EDA: variants seen among roughly 807,000 people sequenced by gnomAD.
EDA encodes ectodysplasin A, also known as ectodysplasin-A.
EDA carries 2 observed loss-of-function variants against 23.6 expected under a neutral mutation model. That is an observed-to-expected ratio of 0.08 (90% confidence interval 0.03 to 0.27). EDA has a LOEUF of 0.27. EDA is among the 10% of genes least tolerant of loss of function. The pLI, the probability that EDA is intolerant of heterozygous loss-of-function variation, is 1.00. For missense variants in EDA, 229 were observed against 324.2 expected (o/e 0.71, Z 2.26); for synonymous variants, 131 against 132.0 (o/e 0.99, Z 0.05).
intron 1 of EDA, among the ~76,000 whole-genome samples, chrX:69,633,593 T>C (rs1932686290): frequency 1.8e-5 from 2 of 112,478 alleles, no homozygotes. Flanking sequence ...ACATGTCATA[T>C]AAATGGAATC....
intron 1 of EDA, among the ~76,000 whole-genome samples, chrX:69,845,891 T>C (rs1183903730): frequency 8.9e-6 from 1 of 111,769 alleles, no homozygotes; most frequent in African/African-American, 3.3e-5. Flanking sequence ...GAGTGAACCA[T>C]CTTAGAAGAG....
chrX:69,654,443 C>G (rs1436127795), intron 1 of EDA, among the ~76,000 whole-genome samples: 164 of 111,379 alleles, frequency 1.5e-3, no homozygotes, highest in African/African-American at 5.2e-3. Flanking sequence ...CATCCCATTA[C>G]TGGGTATATA....
At chrX:69,769,723 GA>G (rs1002256787) in intron 1 of EDA, among the ~76,000 whole-genome samples, 14 of 110,740 alleles carry the variant, frequency 1.3e-4, no homozygotes, top group African/African-American at 4.2e-4. Flanking sequence ...CACACAACAA[GA>G]AAAAAAATTA....
intron 1 of EDA, among the ~76,000 whole-genome samples, chrX:69,835,342 G>C (rs2016744926): frequency 8.9e-6 from 1 of 111,997 alleles, no homozygotes; most frequent in African/African-American, 3.2e-5. Context: ...ATCACTTTCA[G>C]GTACACCAGT....
intron 1 of EDA, among the ~76,000 whole-genome samples, chrX:69,781,086 C>G (rs1035113964): frequency 3.6e-5 from 4 of 111,523 alleles, no homozygotes; most frequent in African/African-American, 1.3e-4. Flanking sequence ...TAATTTTTTT[C>G]TATGATTGAA....
rs868690463 is a variant in EDA at position 69,856,711 on chromosome X, A to G, written c.397-100316A>G. Among the ~76,000 whole-genome samples the G allele has an allele frequency of 6.9e-3, 706 of 101,627 alleles. 9 individuals carry two copies. The highest frequency in any genetic ancestry group is 0.044 in the Admixed American group (413 of 9,382). The allele number at this position is 101,627 out of a possible 115,157, so 88.3% of individuals were successfully genotyped here. On this transcript the variant is annotated intron_variant, in intron 1 of 7. Transcript: ENST00000374552. ...CCTTAGCTTACTTTTTGATGCGATT[A>G]TTTTTTTTTTTTGGAGGGGGCTGAT...
At position 69,655,343 on chromosome X, in the gene EDA, G is replaced by A. The variant is rs772798272; in HGVS notation, c.396+38639G>A. ...GGGAGGCAGAGGTTGGCGGTGAGCC[G>A]AGATCACACCATTGCACTCTAGCCT... On this transcript the variant is annotated intron_variant, in intron 1 of 7. Coordinates refer to ENST00000374552, the MANE Select transcript of EDA (RefSeq NM_001399.5). Among the ~76,000 whole-genome samples, 109 of 109,901 alleles carry A rather than the reference G, an allele frequency of 9.9e-4. 1 individual carries two copies. The highest frequency in any genetic ancestry group is 2.4e-3 in the African/African-American group (71 of 30,154).
intron 2 of EDA, among the ~76,000 whole-genome samples, chrX:69,978,418 G>A (rs1380483043): frequency 1.1e-5 from 1 of 95,041 alleles, no homozygotes; most frequent in African/African-American, 4.0e-5. Flanking sequence ...CACAAGAATT[G>A]CTTGAACCCG....
chrX:69,831,846 G>T (rs1398800500), intron 1 of EDA, among the ~76,000 whole-genome samples: 1 of 112,469 alleles, frequency 8.9e-6, no homozygotes, highest in Non-Finnish European at 1.9e-5. Context: ...CCTCTTTTGA[G>T]AAGTGTCTGT....
intron 1 of EDA, among the ~76,000 whole-genome samples, chrX:69,668,912 T>C (rs1933783331): frequency 8.9e-6 from 1 of 112,309 alleles, no homozygotes; most frequent in Admixed American, 9.4e-5. Context: ...TCTCCTTTTA[T>C]GTCCATTCAT....
chrX:69,722,732 C>A (rs2012635749), intron 1 of EDA, among the ~76,000 whole-genome samples: 1 of 111,236 alleles, frequency 9.0e-6, no homozygotes, highest in African/African-American at 3.3e-5. Flanking sequence ...ACTTAAGAGT[C>A]AGACAGACTT....
chrX:69,863,504 T>C (rs970773876), intron 1 of EDA, among the ~76,000 whole-genome samples: 8 of 74,727 alleles, frequency 1.1e-4, no homozygotes, highest in East Asian at 3.2e-4. Context: ...TATATATATA[T>C]ACATATATAT....
intron 1 of EDA, among the ~76,000 whole-genome samples, chrX:69,723,684 C>T (rs2147347266): frequency 8.9e-6 from 1 of 111,815 alleles, no homozygotes; most frequent in African/African-American, 3.2e-5. Context: ...CTTTAGGTTT[C>T]ATGTTTGGTA....
At chrX:69,829,611 C>G (rs2016556988) in intron 1 of EDA, among the ~76,000 whole-genome samples, 1 of 111,829 alleles carries the variant, frequency 8.9e-6, no homozygotes, top group Admixed American at 9.5e-5. Context: ...CAGTGGTTTG[C>G]TGTAACTTAA....
intron 1 of EDA, among the ~76,000 whole-genome samples, chrX:69,644,832 G>C (rs546393761): frequency 1.8e-5 from 2 of 111,505 alleles, no homozygotes; most frequent in African/African-American, 6.5e-5. Context: ...AAGGGATGTT[G>C]AATTTTATTG....
chrX:69,750,342 G>T (rs1325788838), intron 1 of EDA, among the ~76,000 whole-genome samples: 1 of 108,969 alleles, frequency 9.2e-6, no homozygotes, highest in Non-Finnish European at 1.9e-5. Context: ...TCCCTACAAA[G>T]GGCAGGAACT....
chrX:69,784,434 T>A (rs1225984074), intron 1 of EDA, among the ~76,000 whole-genome samples: 1 of 94,730 alleles, frequency 1.1e-5, no homozygotes, highest in South Asian at 5.5e-4. Context: ...GGTCTAACAT[T>A]TAAGTCTTTA....
rs2018701219 is a variant in EDA at position 69,938,094 on chromosome X, T to C, written c.397-18933T>C. The C allele has an allele frequency of 5.2e-6, 5 of 954,216 alleles. No individual in the cohort carries two copies. The South Asian group carries it at 1.2e-4, about 22-fold the overall frequency. The allele number at this position is 954,216 out of a possible 1,213,427, so 78.6% of individuals were successfully genotyped here. A position where few individuals can be genotyped will look rare whatever the true frequency, so the allele number is the denominator to read the frequency against. ...TTGAAGATTTGTTTCAGAGAATATT[T>C]TGTCCTTTATTTATGTACTTGTGTC... On this transcript the variant is annotated intron_variant, in intron 1 of 7. Coordinates refer to ENST00000374552, the MANE Select transcript of EDA (RefSeq NM_001399.5).
chrX:69,999,068 C>T (rs781131776), intron 2 of EDA, among the ~76,000 whole-genome samples: 28 of 111,494 alleles, frequency 2.5e-4, no homozygotes, highest in African/African-American at 8.8e-4. Flanking sequence ...TCCTTCCCAC[C>T]TCTGATGCCT....
Sources: gnomAD v4.1 joint callset for allele counts (sites outside exome capture counted in the v4.1 genomes callset) on GRCh38, gnomAD v4.1.1 for gene constraint, MANE v1.5 for transcripts, NCBI Gene and HGNC (gene_info 2026-07-23, HGNC 2026-07-21) for gene names.